The following ROBO2 variants were observed in gnomAD, a reference collection of about 807,000 sequenced individuals.
ROBO2 encodes roundabout guidance receptor 2, also known as roundabout homolog 2.
In ROBO2, 53 loss-of-function variants were observed where a neutral mutation model predicts 160.8. That is an observed-to-expected ratio of 0.33 (90% confidence interval 0.26 to 0.41). The LOEUF (loss-of-function observed/expected upper bound fraction) is 0.41. Among genes scored for constraint, ROBO2 ranks in the 10% least tolerant of loss-of-function variants. The probability of loss-of-function intolerance (pLI) is 1.00; values close to 1 mark genes in which losing one functional copy is unlikely to be tolerated. For missense variants in ROBO2, 1,577 were observed against 1,722.4 expected, an observed-to-expected ratio of 0.92 and a Z score of 1.49; for synonymous variants, 664 against 611.7, an observed-to-expected ratio of 1.09 and a Z score of -1.26.
intron 2 of ROBO2, among the ~76,000 whole-genome samples, chr3:76,703,809 T>C (rs1357767574): frequency 6.6e-6 from 1 of 152,178 alleles, no homozygotes. Context: ...TTGTGAATAG[T>C]GCTGCAGTAA....
chr3:77,649,755 G>A (rs190090474), exon 26 of ROBO2: 1 of 152,164 alleles, frequency 6.6e-6, no homozygotes, highest in Non-Finnish European at 1.5e-5. Flanking sequence ...TTTTGTGGCC[G>A]TGGGTAGACT....
intron 2 of ROBO2, among the ~76,000 whole-genome samples, chr3:77,340,061 G>A (rs748085793): frequency 4.6e-5 from 7 of 152,126 alleles, no homozygotes; most frequent in African/African-American, 1.4e-4. Flanking sequence ...CTGATATTCC[G>A]ATAAAGATTT....
At chr3:77,132,483 A>G (rs943388286) in intron 2 of ROBO2, among the ~76,000 whole-genome samples, 1 of 152,102 alleles carries the variant, frequency 6.6e-6, no homozygotes, top group Non-Finnish European at 1.5e-5. Context: ...TGTCTGAGCT[A>G]TCATATTTTA....
chr3:77,611,549 G>A (rs1439822285), intron 21 of ROBO2, among the ~76,000 whole-genome samples: 1 of 152,056 alleles, frequency 6.6e-6, no homozygotes, highest in Admixed American at 6.6e-5. Context: ...GGAAAGGTAA[G>A]TATTTAGGAG....
At chr3:76,455,566 T>G (rs2109327685) in intron 2 of ROBO2, among the ~76,000 whole-genome samples, 1 of 152,292 alleles carries the variant, frequency 6.6e-6, no homozygotes, top group Admixed American at 6.5e-5. Flanking sequence ...TGCCTATAGA[T>G]TTAGTCATTC....
chr3:76,234,232 A>G (rs1452206119), intron 2 of ROBO2, among the ~76,000 whole-genome samples: 1 of 152,144 alleles, frequency 6.6e-6, no homozygotes, highest in African/African-American at 2.4e-5. Flanking sequence ...ATGGGCTTTT[A>G]GGTTGATTCT....
chr3:75,991,336 G>A (rs2065562844), intron 2 of ROBO2, among the ~76,000 whole-genome samples: 1 of 152,110 alleles, frequency 6.6e-6, no homozygotes, highest in Non-Finnish European at 1.5e-5. Flanking sequence ...TGTGTTGTGG[G>A]AGGAATCCAG....
At chr3:76,411,205 A>G (rs569725052) in intron 2 of ROBO2, among the ~76,000 whole-genome samples, 1 of 152,150 alleles carries the variant, frequency 6.6e-6, no homozygotes, top group Non-Finnish European at 1.5e-5. Context: ...GAATGACCAG[A>G]CAGAACCTTG....
At chr3:76,447,852 T>C (rs2077271794) in intron 2 of ROBO2, among the ~76,000 whole-genome samples, 1 of 122,722 alleles carries the variant, frequency 8.1e-6, no homozygotes, top group Admixed American at 1.1e-4. Context: ...TGAGAACACT[T>C]GGGCACAGGA....
intron 1 of ROBO2, among the ~76,000 whole-genome samples, chr3:77,094,765 G>A (rs1052054975): frequency 2.6e-5 from 4 of 152,072 alleles, no homozygotes; most frequent in Non-Finnish European, 4.4e-5. Context: ...GTTTCGATTT[G>A]CATTTTTCTA....
chr3:77,000,132 TG>T (rs2061261061), intron 2 of ROBO2, among the ~76,000 whole-genome samples: 1 of 152,120 alleles, frequency 6.6e-6, no homozygotes. Flanking sequence ...GTCCTGATTT[TG>T]GCCAAAAATA....
At chr3:77,422,312 G>A (rs2077784770) in intron 2 of ROBO2, among the ~76,000 whole-genome samples, 1 of 152,116 alleles carries the variant, frequency 6.6e-6, no homozygotes, top group South Asian at 2.1e-4. Context: ...GGTGTCCAGG[G>A]AATCTTGCTT....
At chr3:76,777,142 C>A (rs770113765) in intron 2 of ROBO2, among the ~76,000 whole-genome samples, 4 of 151,000 alleles carry the variant, frequency 2.6e-5, no homozygotes, top group Non-Finnish European at 5.9e-5. Flanking sequence ...GAATTTTTGG[C>A]ATAAAATAGT....
At chr3:76,422,239 G>C (rs2108935404) in intron 2 of ROBO2, among the ~76,000 whole-genome samples, 1 of 152,144 alleles carries the variant, frequency 6.6e-6, no homozygotes, top group African/African-American at 2.4e-5. Flanking sequence ...TTCTTCAGTG[G>C]TCCCCACTGC....
chr3:76,241,424 C>T (rs1423681551), intron 2 of ROBO2, among the ~76,000 whole-genome samples: 1 of 152,162 alleles, frequency 6.6e-6, no homozygotes, highest in Non-Finnish European at 1.5e-5. Flanking sequence ...TGTTTTAGCG[C>T]AGAAGATATA....
chr3:77,582,154 T>C (rs1336084925), intron 16 of ROBO2, among the ~76,000 whole-genome samples: 1 of 152,208 alleles, frequency 6.6e-6, no homozygotes, highest in African/African-American at 2.4e-5. Flanking sequence ...TTAAATTGCA[T>C]ATTGTTAGGT....
At chr3:75,930,439 CCCA>C (rs1947486064) in intron 1 of ROBO2, among the ~76,000 whole-genome samples, 1 of 152,184 alleles carries the variant, frequency 6.6e-6, no homozygotes. Flanking sequence ...GCTTCATTTT[CCCA>C]CCATTAGTAG....
chr3:76,793,963 T>C (rs151071056), intron 2 of ROBO2, among the ~76,000 whole-genome samples: 311 of 152,072 alleles, frequency 2.0e-3, no homozygotes, highest in African/African-American at 6.6e-3. Flanking sequence ...GTCCATCTAT[T>C]TGTTGCCTTC....
intron 2 of ROBO2, among the ~76,000 whole-genome samples, chr3:76,636,116 C>T (rs189856665): frequency 6.6e-6 from 1 of 152,284 alleles, no homozygotes; most frequent in Non-Finnish European, 1.5e-5. Flanking sequence ...AATGATTATA[C>T]ATAATATTAT....
Sources: gnomAD v4.1 joint callset for allele counts (sites outside exome capture counted in the v4.1 genomes callset) on GRCh38, gnomAD v4.1.1 for gene constraint, MANE v1.5 for transcripts, NCBI Gene and HGNC (gene_info 2026-07-23, HGNC 2026-07-21) for gene names.